Variants in RAD51B observed in about 807,000 individuals in gnomAD.
The protein encoded by RAD51B is RAD51 paralog B, also known as DNA repair protein RAD51 homolog 2.
A neutral mutation model predicts 42.2 loss-of-function variants in RAD51B; 38 were observed. The ratio of observed to expected loss-of-function variants is 0.90; its 90% CI spans 0.70 to 1.18. The LOEUF (loss-of-function observed/expected upper bound fraction) is 1.18. RAD51B is among the 50% of genes most tolerant of loss of function. RAD51B has a pLI of 0.00. For missense variants in RAD51B, 373 were observed against 400.7 expected (o/e 0.93, Z 0.59); for synonymous variants, 154 against 145.2 (o/e 1.06, Z -0.43).
chr14:68,093,000 G>C (rs1339804786), intron 7 of RAD51B, among the ~76,000 whole-genome samples: 1 of 149,498 alleles, frequency 6.7e-6, no homozygotes, highest in African/African-American at 2.5e-5. Flanking sequence ...GCTGGATTAC[G>C]TTTATTGATT....
chr14:68,668,738 G>T (rs547170847), intron 11 of RAD51B, among the ~76,000 whole-genome samples: 1 of 152,308 alleles, frequency 6.6e-6, no homozygotes, highest in East Asian at 1.9e-4. Flanking sequence ...GCACCCCCAG[G>T]CACGCTGATC....
intron 10 of RAD51B, among the ~76,000 whole-genome samples, chr14:68,529,755 A>G (rs1308294016): frequency 1.3e-5 from 2 of 152,224 alleles, no homozygotes; most frequent in Non-Finnish European, 2.9e-5. Context: ...CACTAAGAAA[A>G]CCAGTCAACA....
At chr14:68,306,609 T>C (rs1234768285) in intron 8 of RAD51B, 2 of 515,352 alleles carry the variant, frequency 3.9e-6, no homozygotes, top group East Asian at 1.1e-4. Flanking sequence ...ACAGTGAGCA[T>C]GGAAGAAATA....
intron 10 of RAD51B, among the ~76,000 whole-genome samples, chr14:68,647,522 G>T (rs1441249255): frequency 6.6e-6 from 1 of 152,050 alleles, no homozygotes. Context: ...GCCTGTTAAG[G>T]TTATTGTATC....
chr14:68,399,240 T>G (rs2084015037), intron 8 of RAD51B, among the ~76,000 whole-genome samples: 1 of 150,436 alleles, frequency 6.6e-6, no homozygotes, highest in African/African-American at 2.5e-5. Context: ...CATATACCCT[T>G]TACCTGATTT....
intron 7 of RAD51B, among the ~76,000 whole-genome samples, chr14:67,921,002 G>A (rs1355090867): frequency 3.3e-5 from 5 of 152,166 alleles, no homozygotes; most frequent in African/African-American, 1.2e-4. Context: ...GAAGACCGGG[G>A]AAACATTGAG....
intron 7 of RAD51B, among the ~76,000 whole-genome samples, chr14:68,120,127 G>T (rs866960424): frequency 6.6e-6 from 1 of 151,974 alleles, no homozygotes; most frequent in Non-Finnish European, 1.5e-5. Context: ...CTTTTGAGAA[G>T]TGTCTGTTCA....
chr14:67,887,067 G>A lies in RAD51B; in HGVS notation c.619G>A (p.Val207Met), dbSNP rs28908168. Residue 207 changes from valine to methionine, a missense_variant, in exon 7 of 11, where the codon GTG becomes ATG. By Grantham distance (21) the Val-to-Met change is conservative. Coordinates refer to ENST00000471583, the MANE Select transcript of RAD51B (RefSeq NM_133510.4). ...AATTATCTCAAAAGGAATTAAACTTGTGATTCTTGACTCTGTTGCTTCTGT... is the reference window on the plus strand; with the variant it reads ...AATTATCTCAAAAGGAATTAAACTTATGATTCTTGACTCTGTTGCTTCTGT... ...EEIISKGIKL[V>M]ILDSVASVVR... 2.2e-5 allele frequency: 35 copies of A among 1,563,098 alleles called. No homozygotes were observed. The highest frequency in any genetic ancestry group is 6.1e-6 in the Non-Finnish European group (7 of 1,142,294).
At chr14:67,863,872 G>A (rs1370699695) in intron 4 of RAD51B, among the ~76,000 whole-genome samples, 1 of 152,118 alleles carries the variant, frequency 6.6e-6, no homozygotes, top group South Asian at 2.1e-4. Context: ...AGGTGTAATC[G>A]ACTCACAGTT....
chr14:68,051,874 ATG>A (rs72459876), intron 7 of RAD51B, among the ~76,000 whole-genome samples: 33,196 of 148,042 alleles, frequency 0.22, 4,067 homozygotes, highest in Middle Eastern at 0.37. Flanking sequence ...CCTCCCACAT[ATG>A]TGTGTGTGTG....
intron 8 of RAD51B, among the ~76,000 whole-genome samples, chr14:68,351,584 G>A (rs2082789527): frequency 6.6e-6 from 1 of 152,120 alleles, no homozygotes; most frequent in South Asian, 2.1e-4. Flanking sequence ...CACATTACAG[G>A]AGAGTGGAAC....
At chr14:68,480,683 A>G (rs1339530140), downstream of RAD51B, among the ~76,000 whole-genome samples, 1 of 151,604 alleles carries the variant, frequency 6.6e-6, no homozygotes, top group Non-Finnish European at 1.5e-5. Context: ...AAATGTCTAT[A>G]TTGTGACTCT....
chr14:68,195,013 T>C (rs1159166931), intron 7 of RAD51B, among the ~76,000 whole-genome samples: 1 of 152,202 alleles, frequency 6.6e-6, no homozygotes, highest in African/African-American at 2.4e-5. Context: ...TAACGAAGTA[T>C]GTACTTGGTG....
intron 7 of RAD51B, among the ~76,000 whole-genome samples, chr14:67,999,270 T>C (rs912721119): frequency 6.6e-6 from 1 of 152,152 alleles, no homozygotes; most frequent in Non-Finnish European, 1.5e-5. Flanking sequence ...CAGGTACTTA[T>C]TTTTTATGGT....
intron 7 of RAD51B, among the ~76,000 whole-genome samples, chr14:68,012,715 G>C (rs1453076584): frequency 6.6e-6 from 1 of 152,092 alleles, no homozygotes; most frequent in Non-Finnish European, 1.5e-5. Flanking sequence ...GTTATTGGGA[G>C]CATTAAATCA....
chr14:68,583,048 T>A (rs1890282911), intron 10 of RAD51B, among the ~76,000 whole-genome samples: 1 of 152,144 alleles, frequency 6.6e-6, no homozygotes, highest in Non-Finnish European at 1.5e-5. Flanking sequence ...AAACCTAATG[T>A]AGATAACAGG....
At chr14:67,943,392 G>T (rs1437329706) in intron 7 of RAD51B, among the ~76,000 whole-genome samples, 1 of 152,206 alleles carries the variant, frequency 6.6e-6, no homozygotes, top group East Asian at 1.9e-4. Flanking sequence ...ATTAACTGGA[G>T]ATTTCCCTAA....
At chr14:68,502,775 T>A (rs964844034) in intron 10 of RAD51B, among the ~76,000 whole-genome samples, 8 of 152,162 alleles carry the variant, frequency 5.3e-5, no homozygotes, top group African/African-American at 1.9e-4. Context: ...ATTCAAGGGC[T>A]CCCTTGCATC....
chr14:67,846,364 G>T (rs1333672138), intron 4 of RAD51B, among the ~76,000 whole-genome samples: 3 of 152,206 alleles, frequency 2.0e-5, no homozygotes, highest in South Asian at 2.1e-4. Flanking sequence ...TGGCCACGCA[G>T]TGGTGGGGTT....
Sources: gnomAD v4.1 joint callset for allele counts (sites outside exome capture counted in the v4.1 genomes callset) on GRCh38, gnomAD v4.1.1 for gene constraint, MANE v1.5 for transcripts, NCBI Gene and HGNC (gene_info 2026-07-23, HGNC 2026-07-21) for gene names.